GABRG3: variants seen among roughly 807,000 people sequenced by gnomAD.
GABRG3 encodes gamma-aminobutyric acid receptor subunit gamma-3.
GABRG3 carries 25 observed loss-of-function variants against 48.8 expected under a neutral mutation model. That is an observed-to-expected ratio of 0.51 (90% CI 0.37 to 0.72). The LOEUF (loss-of-function observed/expected upper bound fraction) is 0.72, where lower values mean the gene tolerates loss of function less well. GABRG3 is among the 30% of genes least tolerant of loss of function. The pLI, the probability that GABRG3 is intolerant of heterozygous loss-of-function variation, is 0.00. For missense variants in GABRG3, 394 were observed against 577.9 expected, an observed-to-expected ratio of 0.68 and a Z score of 3.26; for synonymous variants, 227 against 217.6, an observed-to-expected ratio of 1.04 and a Z score of -0.38.
chr15:27,163,311 C>A (rs559006603), intron 3 of GABRG3, among the ~76,000 whole-genome samples: 125 of 152,178 alleles, frequency 8.2e-4, no homozygotes, highest in African/African-American at 2.9e-3. Flanking sequence ...TCAGCCTGGG[C>A]AACTTAGCCT....
At chr15:27,131,847 A>G (rs1897921549) in intron 3 of GABRG3, among the ~76,000 whole-genome samples, 1 of 151,944 alleles carries the variant, frequency 6.6e-6, no homozygotes, top group South Asian at 2.1e-4. Context: ...GTGATGTCTT[A>G]CTGTGGTTTT....
chr15:27,530,350 G>C (rs1037571394), intron 9 of GABRG3, among the ~76,000 whole-genome samples: 17 of 152,232 alleles, frequency 1.1e-4, no homozygotes, highest in Non-Finnish European at 5.9e-5. Flanking sequence ...GAGGACTTTG[G>C]GAATCGTTAA....
chr15:27,208,637 G>A, intron 3 of GABRG3: 1 of 155,224 alleles, frequency 6.4e-6, no homozygotes, highest in Non-Finnish European at 1.4e-5. Flanking sequence ...GCCTGTCATG[G>A]CAGCAGTGGG....
At chr15:27,347,324 A>G (rs1894408112) in intron 5 of GABRG3, among the ~76,000 whole-genome samples, 1 of 151,782 alleles carries the variant, frequency 6.6e-6, no homozygotes, top group Non-Finnish European at 1.5e-5. Context: ...TTACATTTGC[A>G]CTCTGATCTT....
At chr15:27,195,703 C>A (rs1888473351) in intron 3 of GABRG3, among the ~76,000 whole-genome samples, 1 of 151,994 alleles carries the variant, frequency 6.6e-6, no homozygotes, top group South Asian at 2.1e-4. Flanking sequence ...GGCATGATCT[C>A]AGCTCACTGC....
At chr15:26,986,451 G>A (rs368613402) in intron 2 of GABRG3, among the ~76,000 whole-genome samples, 1 of 152,094 alleles carries the variant, frequency 6.6e-6, no homozygotes, top group East Asian at 1.9e-4. Context: ...CTTAACACAC[G>A]TTGGCGGCTG....
chr15:27,148,515 C>A lies in GABRG3; in HGVS notation c.270+121694C>A, dbSNP rs144869560. 5.3e-5 allele frequency among the ~76,000 whole-genome samples: 8 copies of A among 151,992 alleles called. No individual in the cohort carries two copies. The East Asian group carries it at 1.5e-3, about 29-fold the overall frequency. Reference sequence around the variant, plus strand: ...CTCATTCTATGAGGCCAATATTATCCTGATCTCCAAGCCAAAGACATCACA... The same window carrying A: ...CTCATTCTATGAGGCCAATATTATCATGATCTCCAAGCCAAAGACATCACA... On this transcript the variant is annotated intron_variant, in intron 3 of 9. Transcript: ENST00000615808.
intron 5 of GABRG3, among the ~76,000 whole-genome samples, chr15:27,333,143 A>C (rs554175271): frequency 6.6e-6 from 1 of 152,344 alleles, no homozygotes; most frequent in East Asian, 1.9e-4. Context: ...TTGTGTATTT[A>C]GTGTACTCAT....
intron 3 of GABRG3, among the ~76,000 whole-genome samples, chr15:27,190,921 G>C (rs919872182): frequency 6.6e-6 from 1 of 151,804 alleles, no homozygotes; most frequent in East Asian, 1.9e-4. Flanking sequence ...ATTCTGATAT[G>C]TCGTGCTTGT....
At chr15:27,235,433 C>T (rs1243517652) in intron 3 of GABRG3, among the ~76,000 whole-genome samples, 1 of 152,156 alleles carries the variant, frequency 6.6e-6, no homozygotes, top group Non-Finnish European at 1.5e-5. Flanking sequence ...CCACATGGCT[C>T]ACTGTGTTTG....
chr15:27,123,339 T>C (rs575418637), intron 3 of GABRG3, among the ~76,000 whole-genome samples: 1 of 152,166 alleles, frequency 6.6e-6, no homozygotes, highest in South Asian at 2.1e-4. Context: ...TGCTAGGAAG[T>C]GGGGCCTTTG....
At chr15:27,040,587 CA>C (rs1896258803) in intron 3 of GABRG3, among the ~76,000 whole-genome samples, 1 of 152,208 alleles carries the variant, frequency 6.6e-6, no homozygotes, top group Non-Finnish European at 1.5e-5. Flanking sequence ...CAGTGATTTG[CA>C]ATCACTCACC....
At chr15:27,290,547 A>G (rs1245033402) in intron 3 of GABRG3, among the ~76,000 whole-genome samples, 1 of 152,090 alleles carries the variant, frequency 6.6e-6, no homozygotes, top group Non-Finnish European at 1.5e-5. Flanking sequence ...GCACCACTGC[A>G]CCTCTGTGTA....
intron 5 of GABRG3, among the ~76,000 whole-genome samples, chr15:27,453,973 G>C (rs778550531): frequency 2.6e-4 from 40 of 152,122 alleles, no homozygotes; most frequent in Non-Finnish European, 5.3e-4. Flanking sequence ...TCTCAGCTAT[G>C]CCTGTGTGCT....
intron 3 of GABRG3, among the ~76,000 whole-genome samples, chr15:27,303,708 C>T (rs960946378): frequency 6.7e-5 from 10 of 150,366 alleles, no homozygotes; most frequent in African/African-American, 2.2e-4. Flanking sequence ...TATATATATC[C>T]ATGTGTGTGG....
chr15:27,229,223 T>C (rs947245099), intron 3 of GABRG3, among the ~76,000 whole-genome samples: 4 of 152,206 alleles, frequency 2.6e-5, no homozygotes, highest in Non-Finnish European at 5.9e-5. Context: ...CTTCAATCCA[T>C]CTTGAGTTGA....
At chr15:27,399,401 A>T (rs1887414233) in intron 5 of GABRG3, among the ~76,000 whole-genome samples, 1 of 152,346 alleles carries the variant, frequency 6.6e-6, no homozygotes, top group South Asian at 2.1e-4. Context: ...TAAGATGCAT[A>T]ATAACGGCCT....
intron 3 of GABRG3, among the ~76,000 whole-genome samples, chr15:27,202,195 A>G (rs1888706011): frequency 6.6e-6 from 1 of 152,218 alleles, no homozygotes; most frequent in Non-Finnish European, 1.5e-5. Context: ...ATACAAAGAC[A>G]TATACCCATA....
At chr15:27,110,257 C>G (rs566662435) in intron 3 of GABRG3, among the ~76,000 whole-genome samples, 37 of 152,164 alleles carry the variant, frequency 2.4e-4, no homozygotes, top group African/African-American at 8.7e-4. Flanking sequence ...TCAAATAACA[C>G]TATTCTGCAC....
Sources: allele counts gnomAD v4.1 joint callset (sites outside exome capture counted in the v4.1 genomes callset), GRCh38; gene constraint gnomAD v4.1.1; transcripts MANE v1.5; gene names NCBI Gene and HGNC (gene_info 2026-07-23, HGNC 2026-07-21).